DIAPH2: variants seen among roughly 807,000 people sequenced by gnomAD.
DIAPH2 encodes the protein protein diaphanous homolog 2.
DIAPH2 carries 35 observed loss-of-function variants against 92.7 expected under a neutral mutation model. The observed-to-expected ratio is 0.38, with a 90% CI of 0.29 to 0.50. The LOEUF (loss-of-function observed/expected upper bound fraction) is 0.50. Among genes scored for constraint, DIAPH2 ranks in the 20% least tolerant of loss-of-function variants. DIAPH2 has a pLI of 0.94. For missense variants in DIAPH2, 701 were observed against 819.5 expected (o/e 0.86, Z 1.77); for synonymous variants, 301 against 280.4 (o/e 1.07, Z -0.73).
chrX:97,599,277 G>A lies in DIAPH2; in HGVS notation c.3266G>A (p.Arg1089Lys), dbSNP rs2071576368. 8.4e-7 allele frequency: 1 copy of A among 1,195,723 alleles called. No homozygotes were observed. Among genetic ancestry groups the A allele is most frequent in the East Asian group, 3.0e-5 (1 of 33,233 alleles). The change falls in exon 27 of 27, where the codon AGG becomes AAG. Residue 1089 changes from arginine (R) to lysine (K), a missense_variant. Coordinates refer to ENST00000324765, the MANE Select transcript of DIAPH2 (RefSeq NM_006729.5). Reference protein sequence around the residue: ...NPDNRRVPLERSRSRHNGAIS... With the variant: ...NPDNRRVPLEKSRSRHNGAIS... ...GATAACAGACGAGTACCTTTGGAAA[G>A]GTCACGCTCTCGCCACAATGGAGCT...
At chrX:97,113,359 G>A (rs2066995822) in intron 20 of DIAPH2, among the ~76,000 whole-genome samples, 1 of 111,562 alleles carries the variant, frequency 9.0e-6, no homozygotes. Flanking sequence ...TGAATAGGTG[G>A]CGTGTTTTAT....
chrX:97,337,852 A>G (rs973741059), intron 23 of DIAPH2, among the ~76,000 whole-genome samples: 7 of 107,296 alleles, frequency 6.5e-5, no homozygotes, highest in African/African-American at 2.1e-4. Flanking sequence ...AATGATAGCC[A>G]TGCCTCAGTT....
chrX:96,733,666 T>TGTA (rs2064069682), intron 1 of DIAPH2, among the ~76,000 whole-genome samples: 1 of 111,833 alleles, frequency 8.9e-6, no homozygotes. Flanking sequence ...CAAAATTAAC[T>TGTA]GTAGGAGAGC....
At chrX:97,319,553 AT>A (rs1163742869) in intron 23 of DIAPH2, among the ~76,000 whole-genome samples, 10 of 109,640 alleles carry the variant, frequency 9.1e-5, no homozygotes, top group Admixed American at 8.8e-4. Flanking sequence ...CACCCGGCTA[AT>A]TTTTTGTATT....
chrX:96,862,972 A>C (rs1186564161), intron 4 of DIAPH2, among the ~76,000 whole-genome samples: 1 of 110,632 alleles, frequency 9.0e-6, no homozygotes, highest in African/African-American at 3.3e-5. Flanking sequence ...TTATGGGGAA[A>C]TTTTTTTGTC....
At chrX:97,410,326 G>A (rs971800261) in intron 25 of DIAPH2, among the ~76,000 whole-genome samples, 12 of 112,002 alleles carry the variant, frequency 1.1e-4, no homozygotes, top group South Asian at 7.5e-4. Context: ...GACCTGACTC[G>A]TAGAAGGAAA....
chrX:96,914,055 AC>A lies in DIAPH2; in HGVS notation c.732+1505del, dbSNP rs770837305. Among the ~76,000 whole-genome samples, 6 of 110,924 alleles carry A rather than the reference AC, an allele frequency of 5.4e-5. No homozygotes were observed. The South Asian group carries it at 2.3e-3, about 42-fold the overall frequency. The stretch of plus-strand genomic sequence containing the variant: ...CAAATGTAAAATATGGCTATTAATA[AC>A]CAATGCAATAAGATTATATATTAAT... On this transcript the variant is annotated intron_variant, in intron 7 of 26. Transcript: ENST00000324765.
intron 24 of DIAPH2, among the ~76,000 whole-genome samples, chrX:97,355,012 T>C (rs1313207578): frequency 8.9e-6 from 1 of 112,475 alleles, no homozygotes; most frequent in Non-Finnish European, 1.9e-5. Flanking sequence ...AGTTCACTCT[T>C]ACGTTAATTC....
rs757729192 is a variant in DIAPH2, at chrX:96,685,238, C to G, written c.132+48C>G. The G allele has an allele frequency of 7.9e-5, 77 of 972,786 alleles. No homozygotes were observed. In the African/African-American group the frequency reaches 1.4e-3, roughly 18 times the overall value. 80.2% of individuals were successfully genotyped at this position (972,786 alleles called of 1,213,427 possible). ...CCGGCCTTAGGGACAGGGAGAGCCCCGGGATCCTCCTGCCATTGAACACGG... is the reference window on the plus strand; with the variant it reads ...CCGGCCTTAGGGACAGGGAGAGCCCGGGGATCCTCCTGCCATTGAACACGG... On this transcript the variant is annotated intron_variant, in intron 1 of 26. Coordinates refer to ENST00000324765, the MANE Select transcript of DIAPH2 (RefSeq NM_006729.5).
chrX:97,588,644 C>T (rs1186898412), intron 26 of DIAPH2, among the ~76,000 whole-genome samples: 4 of 110,309 alleles, frequency 3.6e-5, no homozygotes, highest in African/African-American at 1.3e-4. Context: ...ATCTAAGATA[C>T]GTGAAATACC....
intron 1 of DIAPH2, among the ~76,000 whole-genome samples, chrX:96,711,681 T>C (rs1158455065): frequency 9.0e-6 from 1 of 111,679 alleles, no homozygotes; most frequent in Non-Finnish European, 1.9e-5. Flanking sequence ...TGTGTTATCC[T>C]GGCTGTATAG....
chrX:97,198,497 T>C (rs894211744), intron 22 of DIAPH2, among the ~76,000 whole-genome samples: 2 of 111,359 alleles, frequency 1.8e-5, no homozygotes, highest in African/African-American at 3.3e-5. Flanking sequence ...ATTATACATA[T>C]ATAGGCACAA....
At chrX:97,370,730 A>C (rs998973305) in intron 24 of DIAPH2, among the ~76,000 whole-genome samples, 1 of 111,954 alleles carries the variant, frequency 8.9e-6, no homozygotes, top group Non-Finnish European at 1.9e-5. Flanking sequence ...AAGTTACATC[A>C]AGCCAAGTTT....
intron 4 of DIAPH2, chrX:96,763,121 G>A: frequency 1.0e-6 from 1 of 961,603 alleles, no homozygotes; most frequent in Non-Finnish European, 1.3e-6. Context: ...TAAAGTTACG[G>A]TGAGTACAAA....
intron 26 of DIAPH2, among the ~76,000 whole-genome samples, chrX:97,442,326 A>G (rs769889527): frequency 8.9e-6 from 1 of 112,731 alleles, no homozygotes; most frequent in East Asian, 2.8e-4. Context: ...CTGCTTATTT[A>G]CAAACTTGCA....
chrX:96,957,057 G>A (rs2065815330), intron 15 of DIAPH2, among the ~76,000 whole-genome samples: 1 of 112,499 alleles, frequency 8.9e-6, no homozygotes, highest in African/African-American at 3.2e-5. Context: ...GTCTCGCTCT[G>A]TCACCAAGGC....
At chrX:97,285,173 C>T (rs907560446) in intron 23 of DIAPH2, among the ~76,000 whole-genome samples, 4 of 110,505 alleles carry the variant, frequency 3.6e-5, no homozygotes, top group Non-Finnish European at 7.6e-5. Flanking sequence ...GAATTATTCC[C>T]CTTCCACCTT....
rs1189221737 is a variant in DIAPH2 at position 96,698,923 on chromosome X, A to G, written c.132+13733A>G. Among the ~76,000 whole-genome samples the G allele has an allele frequency of 4.7e-5, 5 of 106,024 alleles. No homozygotes were observed. The East Asian group carries it at 1.5e-3, about 31-fold the overall frequency. 92.1% of individuals were successfully genotyped at this position (106,024 alleles called of 115,157 possible). On this transcript the variant is annotated intron_variant, in intron 1 of 26. Transcript: ENST00000324765. ...TTTTTTTTTTTTCAGTAGAGACAGC[A>G]TTTTGCTGTGTTGCCCAGGCTGGTC...
intron 24 of DIAPH2, among the ~76,000 whole-genome samples, chrX:97,368,777 G>A (rs942045429): frequency 1.2e-4 from 13 of 110,859 alleles, no homozygotes; most frequent in African/African-American, 4.2e-4. Flanking sequence ...TCTTCATTAA[G>A]TAAGAAATAG....
Sources: gnomAD v4.1 joint callset for allele counts (sites outside exome capture counted in the v4.1 genomes callset) on GRCh38, gnomAD v4.1.1 for gene constraint, MANE v1.5 for transcripts, NCBI Gene and HGNC (gene_info 2026-07-23, HGNC 2026-07-21) for gene names.